MAGI2: variants seen among roughly 807,000 people sequenced by gnomAD.
The protein encoded by MAGI2 is membrane associated guanylate kinase, WW and PDZ domain containing 2.
Under a neutral mutation model 133.3 loss-of-function variants are expected in MAGI2, and 35 were observed. The observed-to-expected ratio is 0.26, with a 90% CI of 0.20 to 0.35. The LOEUF is 0.35. Among genes scored for constraint, MAGI2 ranks in the 10% least tolerant of loss-of-function variants. MAGI2 has a pLI of 1.00. For synonymous variants in MAGI2, 729 were observed against 710.6 expected, an observed-to-expected ratio of 1.03 and a Z score of -0.41; for missense variants, 1,636 against 1,863.4, an observed-to-expected ratio of 0.88 and a Z score of 2.25.
intron 16 of MAGI2, among the ~76,000 whole-genome samples, chr7:78,142,364 T>C (rs551572579): frequency 1.4e-4 from 22 of 152,286 alleles, no homozygotes; most frequent in East Asian, 1.2e-3. Flanking sequence ...AATGAGAATA[T>C]GTTACAGCTA....
At chr7:79,376,770 TG>T (rs1375754333) in intron 1 of MAGI2, among the ~76,000 whole-genome samples, 1 of 151,810 alleles carries the variant, frequency 6.6e-6, no homozygotes, top group African/African-American at 2.4e-5. Flanking sequence ...TAGTTGACTG[TG>T]GATAACTGAA....
At position 78,928,295 on chromosome 7, in the gene MAGI2, C is replaced by T. The variant is rs560358287; in HGVS notation, c.418+78795G>A. 2.6e-5 allele frequency among the ~76,000 whole-genome samples: 4 copies of T among 151,900 alleles called. No homozygotes were observed. The East Asian group carries it at 7.8e-4, about 29-fold the overall frequency. Reference sequence around the variant, plus strand: ...GCTCATCACCAGCCAGCAGGAAAAACCCACCAACTAAGGTTATGACAAAGA... The same window carrying T: ...GCTCATCACCAGCCAGCAGGAAAAATCCACCAACTAAGGTTATGACAAAGA... On this transcript the variant is annotated intron_variant, in intron 2 of 21. Coordinates refer to ENST00000354212, the MANE Select transcript of MAGI2 (RefSeq NM_012301.4).
At chr7:78,491,458 G>T (rs1453737258) in intron 5 of MAGI2, among the ~76,000 whole-genome samples, 2 of 152,064 alleles carry the variant, frequency 1.3e-5, no homozygotes, top group African/African-American at 2.4e-5. Flanking sequence ...TAAAGAGAAG[G>T]TATTCTCCAT....
intron 1 of MAGI2, among the ~76,000 whole-genome samples, chr7:79,361,418 A>T (rs1842369464): frequency 6.6e-6 from 1 of 152,150 alleles, no homozygotes. Context: ...CCCTACTGAC[A>T]TAGGTGAGGA....
At chr7:78,459,324 G>A (rs755773857) in intron 6 of MAGI2, among the ~76,000 whole-genome samples, 13 of 152,138 alleles carry the variant, frequency 8.5e-5, no homozygotes, top group African/African-American at 3.1e-4. Flanking sequence ...GATACACTTT[G>A]CATAAACTTT....
At chr7:78,870,249 G>A (rs1399341441) in intron 2 of MAGI2, among the ~76,000 whole-genome samples, 1 of 151,680 alleles carries the variant, frequency 6.6e-6, no homozygotes, top group Non-Finnish European at 1.5e-5. Context: ...TGGGAGGCTG[G>A]GGTGGGAGAA....
At chr7:79,393,435 T>C (rs1563182359) in intron 1 of MAGI2, among the ~76,000 whole-genome samples, 1 of 152,124 alleles carries the variant, frequency 6.6e-6, no homozygotes, top group Non-Finnish European at 1.5e-5. Context: ...TTCAGAAAAA[T>C]TAGAACTCTA....
intron 6 of MAGI2, among the ~76,000 whole-genome samples, chr7:78,400,310 A>G (rs1225288016): frequency 6.6e-6 from 1 of 152,040 alleles, no homozygotes; most frequent in Non-Finnish European, 1.5e-5. Flanking sequence ...CAATGTTTCT[A>G]GGTTCCTCTT....
intron 20 of MAGI2, among the ~76,000 whole-genome samples, chr7:78,125,290 C>T (rs1215558367): frequency 3.9e-5 from 6 of 151,996 alleles, no homozygotes; most frequent in South Asian, 2.1e-4. Flanking sequence ...CTAAAAGTCC[C>T]GCAAAACCAT....
rs1823591982 is a variant in MAGI2 at position 79,154,662 on chromosome 7, C to T, written c.302-147456G>A. Among the ~76,000 whole-genome samples the T allele has an allele frequency of 3.3e-5, 5 of 152,272 alleles. No individual in the cohort carries two copies. The South Asian group carries it at 8.3e-4, about 25-fold the overall frequency. On this transcript the variant is annotated intron_variant, in intron 1 of 21. Coordinates refer to ENST00000354212, the MANE Select transcript of MAGI2 (RefSeq NM_012301.4). ...TTTTAAGCTGGCAATAACATTACCT[C>T]AAGCAGGAAGGAACCTGGAGACAGA...
intron 4 of MAGI2, chr7:78,519,141 A>C (rs141053930): frequency 0.077 from 11,617 of 151,700 alleles, 597 homozygotes; most frequent in Non-Finnish European, 0.11. Context: ...AAAAAAAAAA[A>C]AAAAAAACCA....
At chr7:79,345,094 A>G (rs1479348709) in intron 1 of MAGI2, among the ~76,000 whole-genome samples, 1 of 152,114 alleles carries the variant, frequency 6.6e-6, no homozygotes, top group Non-Finnish European at 1.5e-5. Flanking sequence ...TTGAAGTCCC[A>G]ACTCCAAGTA....
chr7:78,174,673 A>G (rs1454152166), intron 14 of MAGI2, among the ~76,000 whole-genome samples: 3 of 152,130 alleles, frequency 2.0e-5, no homozygotes, highest in Non-Finnish European at 4.4e-5. Flanking sequence ...CTGATGGTTT[A>G]TGCTAAGGAG....
At chr7:79,161,934 T>C (rs1277841141) in intron 1 of MAGI2, among the ~76,000 whole-genome samples, 2 of 152,066 alleles carry the variant, frequency 1.3e-5, no homozygotes, top group African/African-American at 4.8e-5. Context: ...CAAAGCCAAT[T>C]TAAAAGGAGT....
rs373145591 is a variant in MAGI2 at position 78,501,718 on chromosome 7, G to A, written c.824C>T (p.Pro275Leu). 6.2e-7 allele frequency: 1 copy of A among 1,613,900 alleles called. No individual in the cohort carries two copies. Among genetic ancestry groups the A allele is most frequent in the African/African-American group, 1.3e-5 (1 of 74,880 alleles). The stretch of plus-strand genomic sequence containing the variant: ...CAGCTCCTCAGGCTGACTGTACACT[G>A]GTGCAGGATAAGGCTGGGAGGGCAT... ...GEMPSQPYPA[P>L]VYSQPEELKE... Residue 275 changes from proline to leucine, a missense_variant, in exon 5 of 22, where the codon CCA (proline) becomes CTA (leucine). Transcript: ENST00000354212.
intron 1 of MAGI2, among the ~76,000 whole-genome samples, chr7:79,048,732 G>A (rs574872717): frequency 6.6e-6 from 1 of 152,210 alleles, no homozygotes; most frequent in South Asian, 2.1e-4. Context: ...CCAGCACTTT[G>A]GGAAGCCAAG....
At chr7:78,722,125 C>A (rs1425883609) in intron 2 of MAGI2, among the ~76,000 whole-genome samples, 1 of 151,128 alleles carries the variant, frequency 6.6e-6, no homozygotes, top group African/African-American at 2.4e-5. Flanking sequence ...TATTCTATAA[C>A]AAATATAGCT....
chr7:79,080,459 T>C (rs890920000), intron 1 of MAGI2, among the ~76,000 whole-genome samples: 1 of 152,160 alleles, frequency 6.6e-6, no homozygotes, highest in African/African-American at 2.4e-5. Context: ...GACATAATAA[T>C]ATCTGCTAGA....
intron 2 of MAGI2, among the ~76,000 whole-genome samples, chr7:78,649,237 A>AAAAAAAAAAAAAAAAAAAAAAAAAG (rs1563294737): frequency 1.4e-4 from 9 of 65,478 alleles, no homozygotes; most frequent in South Asian, 4.1e-4. Flanking sequence ...AAAAAAAAAG[A>AAAAAAAAAAAAAAAAAAAAAAAAAG]AAAAAAAAGA....
Sources: gnomAD v4.1 joint callset for allele counts (sites outside exome capture counted in the v4.1 genomes callset) on GRCh38, gnomAD v4.1.1 for gene constraint, MANE v1.5 for transcripts, NCBI Gene and HGNC (gene_info 2026-07-23, HGNC 2026-07-21) for gene names.